Variants in AHRR observed in about 807,000 individuals in gnomAD.
AHRR encodes the protein aryl hydrocarbon receptor repressor.
Under a neutral mutation model 44.0 loss-of-function variants are expected in AHRR, and 28 were observed. The observed-to-expected ratio is 0.64, with a 90% CI of 0.47 to 0.87. AHRR has a LOEUF of 0.87. Among genes scored for constraint, AHRR ranks in the 40% least tolerant of loss-of-function variants. The pLI is 0.00. For missense variants in AHRR, 990 were observed against 953.9 expected (o/e 1.04, Z -0.50); for synonymous variants, 434 against 407.0 (o/e 1.07, Z -0.80).
rs1243165158 is a variant in AHRR, at chr5:326,607, G to A, written c.-11+4788G>A. ...TTCTGTTAGGTGTGTACCTAGGAGT[G>A]GAGTTACTGGATCATATAGTGATTC... On this transcript the variant is annotated intron_variant, in intron 1 of 10. Transcript: ENST00000684583. The surrounding 1 kb of genome is among the most constrained non-coding windows in gnomAD (Gnocchi z 4.1). Among the ~76,000 whole-genome samples, 1 of 152,162 alleles carries A rather than the reference G, an allele frequency of 6.6e-6. No individual in the cohort carries two copies. Among genetic ancestry groups the A allele is most frequent in the African/African-American group, 2.4e-5 (1 of 41,422 alleles).
chr5:327,933 G>T (rs1045453204), intron 1 of AHRR, among the ~76,000 whole-genome samples: 2 of 151,858 alleles, frequency 1.3e-5, no homozygotes, highest in Non-Finnish European at 2.9e-5. Flanking sequence ...ATCCCTCCCC[G>T]CTCCCCCTAC....
rs1735460867 is a variant in AHRR, at chr5:411,348, T to C, written c.352-1996T>C. 6.6e-6 allele frequency among the ~76,000 whole-genome samples: 1 copy of C among 151,990 alleles called. No individual in the cohort carries two copies. The highest frequency in any genetic ancestry group is 2.4e-5 in the African/African-American group (1 of 41,376). On this transcript the variant is annotated intron_variant, in intron 4 of 10. Transcript: ENST00000684583. This position sits in a 1 kb window ranked among gnomAD's most constrained non-coding sequence, Gnocchi z 4.2. The stretch of plus-strand genomic sequence containing the variant: ...CTGTGTCCTCATTATGATGCAATTT[T>C]GGGTCTGTGTAGCTGCACCTGTTCT...
At chr5:364,233 GAAT>G (rs1743278012) in intron 3 of AHRR, among the ~76,000 whole-genome samples, 1 of 152,182 alleles carries the variant, frequency 6.6e-6, no homozygotes, top group Non-Finnish European at 1.5e-5. Flanking sequence ...TATTAAAGGA[GAAT>G]ATTAAACATA....
chr5:386,643 T>C (rs1196274959), intron 4 of AHRR, among the ~76,000 whole-genome samples: 1 of 152,272 alleles, frequency 6.6e-6, no homozygotes, highest in Non-Finnish European at 1.5e-5. Context: ...CTCCTCGCTT[T>C]AGCCCACGGA....
At chr5:413,702 C>G (rs911557719) in intron 5 of AHRR, among the ~76,000 whole-genome samples, 1 of 152,196 alleles carries the variant, frequency 6.6e-6, no homozygotes, top group Non-Finnish European at 1.5e-5. Flanking sequence ...ATGGTCTCCT[C>G]TGGCTCAGGC....
At chr5:325,552 T>G (rs992064862) in intron 1 of AHRR, among the ~76,000 whole-genome samples, 10 of 152,076 alleles carry the variant, frequency 6.6e-5, no homozygotes, top group Non-Finnish European at 2.9e-5. Flanking sequence ...GCCAGACACG[T>G]GACCATGATG....
chr5:336,544 C>A (rs1378041385), intron 1 of AHRR, among the ~76,000 whole-genome samples: 1 of 152,158 alleles, frequency 6.6e-6, no homozygotes, highest in Non-Finnish European at 1.5e-5. Flanking sequence ...GGACACTAGA[C>A]CCTTATCAGA....
At position 353,848 on chromosome 5, in the gene AHRR, C is replaced by T; in HGVS notation, c.181C>T (p.Leu61=). ...GTTCCCGCCTGACATCATCTCCAAG[C>T]TGGACAAGCTTTCTGTCCTGCGCCT... ...LPFPPDIISK[L]DKLSVLRLSV... Residue 61 remains leucine (L), a synonymous_variant, in exon 3 of 11, where the codon CTG becomes TTG. Transcript: ENST00000684583. 1.9e-6 allele frequency: 3 copies of T among 1,614,164 alleles called. No homozygotes were observed. Among genetic ancestry groups the T allele is most frequent in the Non-Finnish European group, 2.5e-6 (3 of 1,180,014 alleles).
chr5:426,988 G>GGA (rs1736440335), intron 7 of AHRR, among the ~76,000 whole-genome samples: 1 of 137,644 alleles, frequency 7.3e-6, no homozygotes, highest in Admixed American at 7.5e-5. Flanking sequence ...GGATGGATGG[G>GGA]TGGATGTGAA....
intron 1 of AHRR, among the ~76,000 whole-genome samples, chr5:328,099 A>G (rs1050035565): frequency 3.9e-5 from 6 of 151,932 alleles, no homozygotes; most frequent in African/African-American, 7.3e-5. Context: ...CCATGTCCCT[A>G]CAAAGGACAT....
chr5:423,849 G>A lies in AHRR; in HGVS notation c.580G>A (p.Ala194Thr). The change falls in exon 7 of 11, where the codon GCT (alanine) becomes ACT (threonine). Residue 194 changes from alanine (A) to threonine (T), a missense_variant. Physicochemically the swap from Ala to Thr is moderately conservative, Grantham distance 58 (BLOSUM62 0). Transcript: ENST00000684583. ...QPPPLETGDD[A>T]ILGRLLRAQE... The stretch of plus-strand genomic sequence containing the variant: ...GCCCCTATGGTCTGCAGGAGATGAT[G>A]CTATCCTGGGGAGGCTGCTCAGGGC... 6.2e-7 allele frequency: 1 copy of A among 1,603,282 alleles called. No homozygotes were observed. Among genetic ancestry groups the A allele is most frequent in the Non-Finnish European group, 8.5e-7 (1 of 1,178,308 alleles).
chr5:362,894 A>G (rs1449051382), intron 3 of AHRR, among the ~76,000 whole-genome samples: 1 of 152,230 alleles, frequency 6.6e-6, no homozygotes, highest in Non-Finnish European at 1.5e-5. Context: ...GATTTTTCTC[A>G]TGTCTGCCCC....
chr5:432,834 G>C lies in AHRR; in HGVS notation c.999G>C (p.Leu333Phe). Residue 333 changes from leucine (L) to phenylalanine (F), a missense_variant, in exon 10 of 11, where the codon TTG (leucine) becomes TTC (phenylalanine). By Grantham distance (22) the Leu-to-Phe change is conservative. Transcript: ENST00000684583. ...AGRSSRESGV[L>F]VLREQTDAGR... ...GGAGCAGCAGAGAGAGCGGCGTTTT[G>C]GTGCTCAGGGAACAGACTGACGCTG... The C allele has an allele frequency of 6.2e-7, 1 of 1,613,852 alleles. No homozygotes were observed. Among genetic ancestry groups the C allele is most frequent in the Non-Finnish European group, 8.5e-7 (1 of 1,180,040 alleles).
At chr5:376,559 T>TGAATGAATGAGAACGGCGG in intron 3 of AHRR, 51 bp from the exon 4 acceptor site, 3 of 241,106 alleles carry the variant, frequency 1.2e-5, no homozygotes, top group South Asian at 3.7e-5. Flanking sequence ...TGAAGAAGAG[T>TGAATGAATGAGAACGGCGG]GGCCAGGCCA....
At chr5:344,432 G>A in intron 2 of AHRR, among the ~76,000 whole-genome samples, 1 of 33,292 alleles carries the variant, frequency 3.0e-5, no homozygotes, top group East Asian at 3.9e-4. Context: ...TATGTGTGAG[G>A]CTGTGGGGGG....
chr5:341,319 C>T (rs1327249043), intron 1 of AHRR, among the ~76,000 whole-genome samples: 3 of 152,152 alleles, frequency 2.0e-5, no homozygotes, highest in Non-Finnish European at 2.9e-5. Context: ...CTGGCCTCAG[C>T]TCTATAATTT....
chr5:430,598 C>A (rs895487860), intron 8 of AHRR, among the ~76,000 whole-genome samples: 2 of 152,286 alleles, frequency 1.3e-5, no homozygotes, highest in African/African-American at 4.8e-5. Context: ...GCGTGAGTTC[C>A]ATCCTCACCT....
chr5:367,778 T>C (rs1315296952), intron 3 of AHRR: 1 of 696,476 alleles, frequency 1.4e-6, no homozygotes. Context: ...TGCTGGGTTC[T>C]GTCCCCCTCC....
intron 1 of AHRR, among the ~76,000 whole-genome samples, chr5:339,099 T>A (rs1742240299): frequency 6.6e-6 from 1 of 152,158 alleles, no homozygotes; most frequent in Non-Finnish European, 1.5e-5. Context: ...TTAGTAAAAT[T>A]TTTGGAATTC....
Sources: gnomAD v4.1 joint callset for allele counts (sites outside exome capture counted in the v4.1 genomes callset) on GRCh38, gnomAD v4.1.1 for gene constraint, Gnocchi (gnomAD v3.1) non-coding constraint, MANE v1.5 for transcripts, NCBI Gene and HGNC (gene_info 2026-07-23, HGNC 2026-07-21) for gene names.